The following PDE4D variants were observed in gnomAD, a reference collection of about 807,000 sequenced individuals.
PDE4D encodes 3',5'-cyclic-AMP phosphodiesterase 4D.
Under a neutral mutation model 87.4 loss-of-function variants are expected in PDE4D, and 24 were observed. The ratio of observed to expected loss-of-function variants is 0.27; its 90% CI spans 0.20 to 0.39. The LOEUF (loss-of-function observed/expected upper bound fraction) is 0.39, where lower values mean the gene tolerates loss of function less well. Ranked by LOEUF, PDE4D falls within the 10% of genes least tolerant of loss-of-function variation. PDE4D has a pLI of 1.00. For missense variants in PDE4D, 714 were observed against 1,041.0 expected, an observed-to-expected ratio of 0.69 and a Z score of 4.32; for synonymous variants, 384 against 383.2, an observed-to-expected ratio of 1.00 and a Z score of -0.02.
chr5:59,839,962 A>C (rs1168548302), intron 1 of PDE4D, among the ~76,000 whole-genome samples: 2 of 152,062 alleles, frequency 1.3e-5, no homozygotes, highest in East Asian at 3.9e-4. Flanking sequence ...GTCATTTAGA[A>C]TACAATCTGA....
chr5:59,025,089 T>C (rs537359964), intron 6 of PDE4D, among the ~76,000 whole-genome samples: 1 of 152,274 alleles, frequency 6.6e-6, no homozygotes, highest in Admixed American at 6.5e-5. Context: ...GATTATAGCT[T>C]TGTTCAATCT....
At chr5:60,063,157 GGAAA>G (rs1213251867) in intron 2 of PDE4D, among the ~76,000 whole-genome samples, 7 of 95,422 alleles carry the variant, frequency 7.3e-5, no homozygotes, top group African/African-American at 2.6e-4. Flanking sequence ...AAAGAAAGAA[GGAAA>G]GAAAGAAAGA....
At chr5:59,430,887 G>T (rs186847910) in intron 1 of PDE4D, among the ~76,000 whole-genome samples, 2 of 152,060 alleles carry the variant, frequency 1.3e-5, no homozygotes, top group East Asian at 3.9e-4. Flanking sequence ...CTATATTTTC[G>T]AAGAGGGAAT....
At chr5:60,366,727 C>T (rs937452636) in intron 1 of PDE4D, among the ~76,000 whole-genome samples, 1 of 152,204 alleles carries the variant, frequency 6.6e-6, no homozygotes, top group South Asian at 2.1e-4. Context: ...CCCCCTGCAG[C>T]CCAGCCAACT....
intron 1 of PDE4D, among the ~76,000 whole-genome samples, chr5:60,298,078 G>A (rs999646662): frequency 2.0e-5 from 3 of 151,828 alleles, no homozygotes; most frequent in Admixed American, 1.3e-4. Flanking sequence ...TTCATCATTT[G>A]GCTGTGGTTT....
chr5:59,539,845 C>T (rs573432017), intron 1 of PDE4D, among the ~76,000 whole-genome samples: 1 of 152,204 alleles, frequency 6.6e-6, no homozygotes, highest in Admixed American at 6.5e-5. Context: ...CACAAACACA[C>T]ACACACGAAC....
intron 1 of PDE4D, among the ~76,000 whole-genome samples, chr5:60,216,849 C>T (rs976568538): frequency 6.6e-6 from 1 of 152,008 alleles, no homozygotes; most frequent in African/African-American, 2.4e-5. Flanking sequence ...TAGTTGGATA[C>T]TTTAATACTC....
Position 60,374,993 on chromosome 5 carries a change from G to A in PDE4D, c.-90+112949C>T, listed in dbSNP as rs149192157. 2.9e-3 allele frequency among the ~76,000 whole-genome samples: 438 copies of A among 152,162 alleles called. 4 individuals carry two copies. The highest frequency in any genetic ancestry group is 0.01 in the African/African-American group (430 of 41,492). ...ATTTCTATCCCAGTTCATTTCTTAAGTCATAGACAAAGTTAGCTAGGTAAT... is the reference window on the plus strand; with the variant it reads ...ATTTCTATCCCAGTTCATTTCTTAAATCATAGACAAAGTTAGCTAGGTAAT... On this transcript the variant is annotated intron_variant, in intron 1 of 16. Coordinates refer to the PDE4D transcript ENST00000502484.
intron 1 of PDE4D, among the ~76,000 whole-genome samples, chr5:59,609,586 T>C (rs1167043452): frequency 6.6e-6 from 1 of 152,156 alleles, no homozygotes; most frequent in Non-Finnish European, 1.5e-5. Context: ...TCCCATTAAC[T>C]GTGTTCCTAA....
Position 59,869,554 on chromosome 5 carries a change from G to C in PDE4D, c.455+23614C>G, listed in dbSNP as rs1039442632. ...TGAGAGCAACAGGGAGCTGTTGAAA[G>C]GTATTACAGACACTTGTTTGTGTTT... On this transcript the variant is annotated intron_variant, in intron 1 of 14. Transcript: ENST00000340635. Among the ~76,000 whole-genome samples the C allele has an allele frequency of 2.6e-5, 4 of 152,128 alleles. No individual in the cohort carries two copies. The East Asian group carries it at 7.7e-4, about 29-fold the overall frequency.
intron 2 of PDE4D, among the ~76,000 whole-genome samples, chr5:60,090,766 A>G (rs1206141928): frequency 1.3e-5 from 2 of 152,226 alleles, no homozygotes; most frequent in Non-Finnish European, 2.9e-5. Flanking sequence ...ATGATCCTAT[A>G]TTTAGGAAAA....
intron 2 of PDE4D, among the ~76,000 whole-genome samples, chr5:60,070,846 T>A (rs1423321771): frequency 1.3e-5 from 2 of 152,066 alleles, no homozygotes; most frequent in African/African-American, 4.8e-5. Flanking sequence ...AATAACTATT[T>A]CAATATCTAT....
intron 6 of PDE4D, among the ~76,000 whole-genome samples, chr5:59,018,370 C>G (rs1027532372): frequency 1.4e-4 from 22 of 152,206 alleles, no homozygotes; most frequent in African/African-American, 5.3e-4. Context: ...TGGATTTCTT[C>G]CATGTTGTGT....
chr5:59,624,899 ATCT>A lies in PDE4D; in HGVS notation c.455+268266_455+268268del, dbSNP rs1453793155. On this transcript the variant is annotated intron_variant, in intron 1 of 14. Transcript: ENST00000340635. Reference sequence around the variant, plus strand: ...AAATACAAGATGATCAGCCACCCTAATCTTCTCTCCTTTTCAAATATAATGGAA... The same window carrying A: ...AAATACAAGATGATCAGCCACCCTAATCTCTCCTTTTCAAATATAATGGAA... 2.0e-5 allele frequency among the ~76,000 whole-genome samples: 3 copies of A among 152,234 alleles called. No homozygotes were observed. The East Asian group carries it at 5.8e-4, about 29-fold the overall frequency.
chr5:59,547,529 T>G (rs1817471620), intron 1 of PDE4D, among the ~76,000 whole-genome samples: 1 of 152,138 alleles, frequency 6.6e-6, no homozygotes, highest in African/African-American at 2.4e-5. Context: ...CACAGCCAAA[T>G]TTTGACTTTT....
chr5:59,010,447 TC>T (rs1752553579), intron 6 of PDE4D, among the ~76,000 whole-genome samples: 1 of 152,148 alleles, frequency 6.6e-6, no homozygotes. Flanking sequence ...TAAAATATTG[TC>T]CTTTTTTGTT....
intron 1 of PDE4D, among the ~76,000 whole-genome samples, chr5:59,618,105 T>A (rs771706559): frequency 6.6e-6 from 1 of 152,166 alleles, no homozygotes; most frequent in Non-Finnish European, 1.5e-5. Flanking sequence ...AATTCTTCGA[T>A]GCCTAAAAGT....
chr5:60,065,491 G>A (rs1311180230), intron 2 of PDE4D, among the ~76,000 whole-genome samples: 1 of 151,728 alleles, frequency 6.6e-6, no homozygotes, highest in Non-Finnish European at 1.5e-5. Context: ...CAATGTGCAG[G>A]TTAGTTACAT....
chr5:59,688,811 G>A (rs1048780860), intron 1 of PDE4D, among the ~76,000 whole-genome samples: 2 of 151,914 alleles, frequency 1.3e-5, no homozygotes, highest in Non-Finnish European at 2.9e-5. Flanking sequence ...CAACAAAATT[G>A]ACGGACCACT....
Sources: allele counts gnomAD v4.1 joint callset (sites outside exome capture counted in the v4.1 genomes callset), GRCh38; gene constraint gnomAD v4.1.1; transcripts MANE v1.5; gene names NCBI Gene and HGNC (gene_info 2026-07-23, HGNC 2026-07-21).